PDE6B: variants seen among roughly 807,000 people sequenced by gnomAD.
PDE6B encodes rod cGMP-specific 3',5'-cyclic phosphodiesterase subunit beta.
PDE6B carries 106 observed loss-of-function variants against 109.0 expected under a neutral mutation model. The ratio of observed to expected loss-of-function variants is 0.97; its 90% CI spans 0.83 to 1.14. The LOEUF (loss-of-function observed/expected upper bound fraction) is 1.14. Ranked by LOEUF, PDE6B falls within the 50% of genes most tolerant of loss-of-function variation. The probability of loss-of-function intolerance (pLI) is 0.00; values close to 1 mark genes in which losing one functional copy is unlikely to be tolerated. For missense variants in PDE6B, 1,193 were observed against 1,155.6 expected (o/e 1.03, Z -0.47); for synonymous variants, 490 against 471.3 (o/e 1.04, Z -0.51).
intron 21 of PDE6B, among the ~76,000 whole-genome samples, chr4:669,723 C>G (rs1318438033): frequency 7.2e-6 from 1 of 138,102 alleles, no homozygotes; most frequent in East Asian, 2.0e-4. Context: ...TTCCCGCTAC[C>G]CCATGCTATT....
intron 17 of PDE6B, 43 bp from the exon 18 acceptor site, chr4:664,838 C>T: frequency 2.0e-6 from 3 of 1,511,054 alleles, no homozygotes; most frequent in South Asian, 1.1e-5. Flanking sequence ...CACCTGCCCT[C>T]AGGAGACGCC....
chr4:628,435 C>A (rs1260678150), intron 1 of PDE6B, among the ~76,000 whole-genome samples: 2 of 152,108 alleles, frequency 1.3e-5, no homozygotes, highest in Admixed American at 1.3e-4. Context: ...CGGAGTCTCA[C>A]CCTCCTGCCC....
chr4:659,192 A>C (rs1161465136), intron 11 of PDE6B, among the ~76,000 whole-genome samples, 175 bp downstream of exon 11: 2 of 152,070 alleles, frequency 1.3e-5, no homozygotes, highest in African/African-American at 4.8e-5. Context: ...TGTGTACATA[A>C]GCCTGGCTTT....
intron 1 of PDE6B, among the ~76,000 whole-genome samples, chr4:627,746 G>C (rs1734186569): frequency 1.4e-5 from 2 of 147,676 alleles, no homozygotes; most frequent in African/African-American, 5.0e-5. Flanking sequence ...CCTTCCTCCT[G>C]CACACAATCC....
rs777799273 is a variant in PDE6B, at chr4:662,198, G to A, written c.1679G>A (p.Arg560His). ...CGGAGAATCACCTACCACAACTGGC[G>A]CCACGGCTTCAACGTGGCCCAGACG... ...GYRRITYHNWRHGFNVAQTMF... is the reference protein window; with the variant it reads ...GYRRITYHNWHHGFNVAQTMF... The change falls in exon 13 of 22, where the codon CGC (arginine) becomes CAC (histidine). Residue 560 changes from arginine (R) to histidine (H), a missense_variant. By Grantham distance (29) the Arg-to-His change is conservative. Coordinates refer to ENST00000496514, the MANE Select transcript of PDE6B (RefSeq NM_000283.4). The surrounding 1 kb of genome is among the most constrained non-coding windows in gnomAD (Gnocchi z 4.3). 2.9e-5 allele frequency: 46 copies of A among 1,580,124 alleles called. 1 individual carries two copies. The Middle Eastern group carries it at 2.8e-3, about 97-fold the overall frequency.
At chr4:654,567 C>T (rs1735970686) in intron 5 of PDE6B, 7 of 610,896 alleles carry the variant, frequency 1.1e-5, no homozygotes, top group South Asian at 1.8e-5. Flanking sequence ...ATGCGTGTCC[C>T]GTGAGTATTG....
In PDE6B at chr4:648,658, G is replaced by A. The variant is rs1050406401; in HGVS notation, c.712-5194G>A. ...ACTCCCATCAGAGCCAACAGAGGCC[G>A]CAGGAAAGCCATGGGTTAGGCCCTA... On this transcript the variant is annotated intron_variant, in intron 3 of 21. Transcript: ENST00000496514. The surrounding 1 kb of genome is among the most constrained non-coding windows in gnomAD (Gnocchi z 4.5). Among the ~76,000 whole-genome samples the A allele has an allele frequency of 1.4e-4, 21 of 152,338 alleles. No homozygotes were observed. The highest frequency in any genetic ancestry group is 4.8e-4 in the African/African-American group (20 of 41,584).
Position 648,657 on chromosome 4 carries a change from C to A in PDE6B, c.712-5195C>A, listed in dbSNP as rs1394777918. Among the ~76,000 whole-genome samples the A allele has an allele frequency of 6.6e-6, 1 of 152,210 alleles. No individual in the cohort carries two copies. Among genetic ancestry groups the A allele is most frequent in the Non-Finnish European group, 1.5e-5 (1 of 68,048 alleles). On this transcript the variant is annotated intron_variant, in intron 3 of 21. Transcript: ENST00000496514. The surrounding 1 kb of genome is among the most constrained non-coding windows in gnomAD (Gnocchi z 4.5). Reference sequence around the variant, plus strand: ...CACTCCCATCAGAGCCAACAGAGGCCGCAGGAAAGCCATGGGTTAGGCCCT... The same window carrying A: ...CACTCCCATCAGAGCCAACAGAGGCAGCAGGAAAGCCATGGGTTAGGCCCT...
Position 664,146 on chromosome 4 carries a change from A to G in PDE6B, c.2054A>G (p.Glu685Gly). The stretch of plus-strand genomic sequence containing the variant: ...GCGATGTTTCAGAAGATCGTGGATG[A>G]GTCCAAGAACTACCAGGACAAGAAG... ...KRAMFQKIVD[E>G]SKNYQDKKSW... is the part of the protein sequence containing the mutation. Residue 685 changes from glutamate (E) to glycine (G), a missense_variant, in exon 17 of 22, where the codon GAG becomes GGG. Coordinates refer to ENST00000496514, the MANE Select transcript of PDE6B (RefSeq NM_000283.4). 1 of 1,611,276 alleles carries G rather than the reference A, an allele frequency of 6.2e-7. No homozygotes were observed. The highest frequency in any genetic ancestry group is 8.5e-7 in the Non-Finnish European group (1 of 1,177,600).
At chr4:655,699 A>G (rs1055188696) in intron 6 of PDE6B, 2 of 608,842 alleles carry the variant, frequency 3.3e-6, no homozygotes, top group African/African-American at 1.8e-5. Flanking sequence ...AGAGACCCCC[A>G]GACCCCTGCA....
intron 3 of PDE6B, among the ~76,000 whole-genome samples, chr4:638,140 G>A (rs1734783554): frequency 6.6e-6 from 1 of 152,136 alleles, no homozygotes; most frequent in African/African-American, 2.4e-5. Flanking sequence ...AGTCTGATGG[G>A]TGTATGGTAG....
In PDE6B at chr4:662,990, C is replaced by T. The variant is rs1001862522; in HGVS notation, c.1833-110C>T. 4 of 740,970 alleles carry T rather than the reference C, an allele frequency of 5.4e-6. No homozygotes were observed. The Admixed American group carries it at 7.6e-5, about 14-fold the overall frequency. The allele number at this position is 740,970 out of a possible 1,614,324, so 45.9% of individuals were successfully genotyped here. On this transcript the variant is annotated intron_variant, in intron 14 of 21. Transcript: ENST00000496514. This position sits in a 1 kb window ranked among gnomAD's most constrained non-coding sequence, Gnocchi z 4.3. ...TGCACTCCAGAGTGGGTGACAGAGG[C>T]AGACCCTGTCTCAAAAAAAAGAAAG...
chr4:656,920 C>G lies in PDE6B; in HGVS notation c.1154C>G (p.Ser385Cys). 6.2e-7 allele frequency: 1 copy of G among 1,612,860 alleles called. No homozygotes were observed. Among genetic ancestry groups the G allele is most frequent in the South Asian group, 1.1e-5 (1 of 91,086 alleles). Reference sequence around the variant, plus strand: ...GGGTGGCTCATCAAGAATGTGCTGTCCATGCCCATCGTCAACAAGAAGGAG... The same window carrying G: ...GGGTGGCTCATCAAGAATGTGCTGTGCATGCCCATCGTCAACAAGAAGGAG... ...DSGWLIKNVLSMPIVNKKEEI... is the reference protein window; with the variant it reads ...DSGWLIKNVLCMPIVNKKEEI... The change falls in exon 9 of 22, where the codon TCC (serine) becomes TGC (cysteine). Residue 385 changes from serine to cysteine, a missense_variant. By Grantham distance (112) the Ser-to-Cys change is moderately radical. Coordinates refer to ENST00000496514, the MANE Select transcript of PDE6B (RefSeq NM_000283.4).
At position 665,147 on chromosome 4, in the gene PDE6B, C is replaced by T. The variant is rs568920803; in HGVS notation, c.2194-108C>T. On this transcript the variant is annotated intron_variant, in intron 18 of 21. Transcript: ENST00000496514. The surrounding 1 kb of genome is among the most constrained non-coding windows in gnomAD (Gnocchi z 4.0). The stretch of plus-strand genomic sequence containing the variant: ...CCGGAGCCCTGTGTGGTGGGGACCC[C>T]GGGGGTCTGGGGCGGAGAAGACCGA... The T allele has an allele frequency of 1.2e-4, 112 of 918,034 alleles. No homozygotes were observed. In the African/African-American group the frequency reaches 1.4e-3, roughly 11 times the overall value. The allele number at this position is 918,034 out of a possible 1,614,324, so 56.9% of individuals were successfully genotyped here. A position where few individuals can be genotyped will look rare whatever the true frequency, so the allele number is the denominator to read the frequency against.
intron 11 of PDE6B, among the ~76,000 whole-genome samples, chr4:659,576 T>G (rs141726344): frequency 0.011 from 1,619 of 151,496 alleles, 21 homozygotes; most frequent in Non-Finnish European, 0.016. Context: ...CATGTGGGTG[T>G]GTGTGTGCAC....
In PDE6B at chr4:656,295, A is replaced by G. The variant is rs370898371; in HGVS notation, c.1107+3A>G. 49 of 1,530,278 alleles carry G rather than the reference A, an allele frequency of 3.2e-5. No individual in the cohort carries two copies. Among genetic ancestry groups the G allele is most frequent in the Non-Finnish European group, 4.2e-5 (46 of 1,103,696 alleles). 94.8% of individuals were successfully genotyped at this position (1,530,278 alleles called of 1,614,324 possible). ...CTGACGAAATGTTCAAATTTCAGGTATCTGTCTGTGCCTTGGTAGAAATTA... is the reference window on the plus strand; with the variant it reads ...CTGACGAAATGTTCAAATTTCAGGTGTCTGTCTGTGCCTTGGTAGAAATTA... On this transcript the variant is annotated splice_donor_region_variant and intron_variant, in intron 8 of 21. Transcript: ENST00000496514.
At chr4:639,956 C>T (rs1734869711) in intron 3 of PDE6B, among the ~76,000 whole-genome samples, 1 of 152,078 alleles carries the variant, frequency 6.6e-6, no homozygotes, top group Non-Finnish European at 1.5e-5. Context: ...CGAGATCACC[C>T]CACTGTACTC....
At chr4:655,517 T>TA in intron 6 of PDE6B, 1 of 349,322 alleles carries the variant, frequency 2.9e-6, no homozygotes, top group Non-Finnish European at 5.5e-6. Flanking sequence ...GCTGAAGCCA[T>TA]ACGGCCTCCG....
At chr4:634,187 G>A (rs540304278) in intron 1 of PDE6B, among the ~76,000 whole-genome samples, 2 of 152,112 alleles carry the variant, frequency 1.3e-5, no homozygotes, top group South Asian at 2.1e-4. Flanking sequence ...TAAAGTGTCC[G>A]ACGAACAAGC....
Sources: allele counts gnomAD v4.1 joint callset (sites outside exome capture counted in the v4.1 genomes callset), GRCh38; gene constraint gnomAD v4.1.1; non-coding constraint Gnocchi (gnomAD v3.1); transcripts MANE v1.5; gene names NCBI Gene and HGNC (gene_info 2026-07-23, HGNC 2026-07-21).